TERT: variants seen among roughly 807,000 people sequenced by gnomAD.
TERT encodes telomerase reverse transcriptase, also known as telomerase catalytic subunit.
Under a neutral mutation model 104.0 loss-of-function variants are expected in TERT, and 42 were observed. The ratio of observed to expected loss-of-function variants is 0.40; its 90% CI spans 0.32 to 0.52. The LOEUF (loss-of-function observed/expected upper bound fraction) is 0.52, where lower values mean the gene tolerates loss of function less well. TERT is among the 20% of genes least tolerant of loss of function. The pLI, the probability that TERT is intolerant of heterozygous loss-of-function variation, is 0.43. For missense variants in TERT, 1,101 were observed against 1,610.3 expected, an observed-to-expected ratio of 0.68 and a Z score of 5.41; for synonymous variants, 781 against 725.6, an observed-to-expected ratio of 1.08 and a Z score of -1.23.
chr5:1,275,113 A>G (rs1009514803), intron 6 of TERT, among the ~76,000 whole-genome samples: 5 of 152,162 alleles, frequency 3.3e-5, no homozygotes, highest in African/African-American at 4.8e-5. Context: ...GGCGGTTCAC[A>G]CCTGTCATCC....
Position 1,253,773 on chromosome 5 carries a change from T to G in TERT, c.3354A>C (p.Ala1118=). The change falls in exon 16 of 16, where the codon GCA becomes GCC. Residue 1118 remains alanine, a synonymous_variant. Coordinates refer to ENST00000310581, the MANE Select transcript of TERT (RefSeq NM_198253.3). Reference sequence around the variant, plus strand: ...AGTCTGAGGGCAGTGCCGGGTTGGCTGCGGCCTCCAGGGCAGTCAGCGTCG... The same window carrying G: ...AGTCTGAGGGCAGTGCCGGGTTGGCGGCGGCCTCCAGGGCAGTCAGCGTCG... The part of the protein sequence containing the change: ...PGTTLTALEA[A]ANPALPSDFK... The G allele has an allele frequency of 1.2e-6, 2 of 1,612,284 alleles. No individual in the cohort carries two copies. Among genetic ancestry groups the G allele is most frequent in the Non-Finnish European group, 1.7e-6 (2 of 1,179,822 alleles).
Position 1,279,459 on chromosome 5 carries a change from G to T in TERT, c.1962C>A (p.Leu654=). The stretch of plus-strand genomic sequence containing the variant: ...TGAACAGTGCCTTCACCCTCGAGGT[G>T]AGACGCTCGGCCTGGCGGGGACAGC... The part of the protein sequence containing the change: ...TFRREKRAER[L]TSRVKALFSV... The change falls in exon 5 of 16, where the codon CTC becomes CTA. Residue 654 remains leucine, a synonymous_variant. Transcript: ENST00000310581. The T allele has an allele frequency of 6.5e-7, 1 of 1,549,502 alleles. No individual in the cohort carries two copies. Among genetic ancestry groups the T allele is most frequent in the Non-Finnish European group, 8.7e-7 (1 of 1,147,540 alleles).
chr5:1,285,997 C>G (rs1023832671), intron 2 of TERT, among the ~76,000 whole-genome samples: 1 of 152,068 alleles, frequency 6.6e-6, no homozygotes, highest in East Asian at 1.9e-4. Flanking sequence ...CAGGCAGCAC[C>G]GTCAGAGCTG....
intron 4 of TERT, among the ~76,000 whole-genome samples, 155 bp downstream of exon 4, chr5:1,280,003 G>A (rs1329448428): frequency 6.6e-6 from 1 of 152,226 alleles, no homozygotes; most frequent in Non-Finnish European, 1.5e-5. Context: ...CGGCACCTCG[G>A]CCACCTCACT....
chr5:1,285,668 C>T (rs1750434803), intron 2 of TERT, among the ~76,000 whole-genome samples: 1 of 146,790 alleles, frequency 6.8e-6, no homozygotes, highest in South Asian at 2.2e-4. Context: ...CTCCCAGGTT[C>T]AAGCAATTCT....
intron 5 of TERT, 148 bp from the exon 6 acceptor site, chr5:1,278,944 C>A: frequency 8.8e-7 from 1 of 1,139,610 alleles, no homozygotes. Flanking sequence ...GCTGTGTCCC[C>A]TCTCTGAGCC....
At position 1,279,420 on chromosome 5, in the gene TERT, G is replaced by A. The variant is rs758494245; in HGVS notation, c.2001C>T (p.Tyr667=). The stretch of plus-strand genomic sequence containing the variant: ...GGAGGCCGGGGCGCCGCGCCCGCTC[G>A]TAGTTGAGCACGCTGAACAGTGCCT... The part of the protein sequence containing the change: ...RVKALFSVLN[Y]ERARRPGLLG... The change falls in exon 5 of 16, where the codon TAC becomes TAT. Residue 667 remains tyrosine (Y), a synonymous_variant. Coordinates refer to ENST00000310581, the MANE Select transcript of TERT (RefSeq NM_198253.3). The A allele has an allele frequency of 3.4e-4, 526 of 1,551,618 alleles. No individual in the cohort carries two copies. The highest frequency in any genetic ancestry group is 4.5e-4 in the Non-Finnish European group (512 of 1,148,758).
rs748699440 is a variant in TERT at position 1,293,796 on chromosome 5, T to C, written c.1090A>G (p.Ile364Val). The C allele has an allele frequency of 1.3e-6, 2 of 1,551,902 alleles. No individual in the cohort carries two copies. The highest frequency in any genetic ancestry group is 2.4e-5 in the South Asian group (2 of 84,172). The change falls in exon 2 of 16, where the codon ATC becomes GTC. Residue 364 changes from isoleucine to valine, a missense_variant. Physicochemically the swap from Ile to Val is conservative, Grantham distance 29. This residue lies in a region of TERT where 504 missense variants were observed against 544.6 expected (regional missense o/e 0.93). Transcript: ENST00000310581. ...LTGARRLVETIFLGSRPWMPG... is the reference protein window; with the variant it reads ...LTGARRLVETVFLGSRPWMPG... ...ATCCAGGGCCTGGAACCCAGAAAGA[T>C]GGTCTCCACGAGCCTCCGAGCGCCA...
intron 6 of TERT, 102 bp from the exon 7 acceptor site, chr5:1,272,382 C>T: frequency 9.3e-7 from 1 of 1,073,952 alleles, no homozygotes; most frequent in Middle Eastern, 2.0e-4. Context: ...GCGGCCAAGC[C>T]CGATGGCGGG....
intron 2 of TERT, among the ~76,000 whole-genome samples, chr5:1,284,758 C>T (rs1316914482): frequency 4.1e-5 from 6 of 147,614 alleles, no homozygotes; most frequent in East Asian, 2.1e-4. Context: ...GACCTCACAC[C>T]GGACCTGCAG....
chr5:1,255,204 A>G lies in TERT; in HGVS notation c.3157+83T>C, dbSNP rs1260414190. ...ATGCGAAAAGGGGTAAGAACTTCCT[A>G]AGCCCAGATTCACTCAGTCTCCTGA... On this transcript the variant is annotated intron_variant, in intron 14 of 15. Coordinates refer to ENST00000310581, the MANE Select transcript of TERT (RefSeq NM_198253.3). The surrounding 1 kb of genome is among the most constrained non-coding windows in gnomAD (Gnocchi z 6.9). 5 of 1,558,284 alleles carry G rather than the reference A, an allele frequency of 3.2e-6. No individual in the cohort carries two copies. The highest frequency in any genetic ancestry group is 4.4e-6 in the Non-Finnish European group (5 of 1,144,514).
At chr5:1,260,725 G>T in intron 11 of TERT, 125 bp from the exon 12 acceptor site, 1 of 1,370,398 alleles carries the variant, frequency 7.3e-7, no homozygotes, top group Non-Finnish European at 1.0e-6. Context: ...GGCATGCGCT[G>T]CAGCCCGAGG....
In TERT at chr5:1,287,668, A is replaced by T. The variant is rs1394535002; in HGVS notation, c.1574-5044T>A. On this transcript the variant is annotated intron_variant, in intron 2 of 15. Transcript: ENST00000310581. The surrounding 1 kb of genome is among the most constrained non-coding windows in gnomAD (Gnocchi z 4.3). ...TCCAAAAGATTCACTCATCAGGAAGATAAAAATTCTACCACGTGCATGCAC... is the reference window on the plus strand; with the variant it reads ...TCCAAAAGATTCACTCATCAGGAAGTTAAAAATTCTACCACGTGCATGCAC... Among the ~76,000 whole-genome samples the T allele has an allele frequency of 1.3e-5, 2 of 152,150 alleles. No homozygotes were observed. The highest frequency in any genetic ancestry group is 4.8e-5 in the African/African-American group (2 of 41,432).
intron 2 of TERT, chr5:1,282,981 G>A (rs1258112885): frequency 3.9e-5 from 15 of 387,310 alleles, no homozygotes; most frequent in South Asian, 1.1e-4. Context: ...AGGGCCTGGC[G>A]ACCTCACTCC....
rs1231793479 is a variant in TERT, at chr5:1,261,129, T to C, written c.2844-529A>G. Among the ~76,000 whole-genome samples the C allele has an allele frequency of 6.6e-6, 1 of 152,208 alleles. No individual in the cohort carries two copies. Among genetic ancestry groups the C allele is most frequent in the Non-Finnish European group, 1.5e-5 (1 of 68,026 alleles). Reference sequence around the variant, plus strand: ...GGGCAGGATGGAGGCATCCCACCGATGTCCTCCAGGGCCTCACCACCACTC... The same window carrying C: ...GGGCAGGATGGAGGCATCCCACCGACGTCCTCCAGGGCCTCACCACCACTC... On this transcript the variant is annotated intron_variant, in intron 11 of 15. Transcript: ENST00000310581. This position sits in a 1 kb window ranked among gnomAD's most constrained non-coding sequence, Gnocchi z 7.4.
intron 3 of TERT, among the ~76,000 whole-genome samples, chr5:1,281,503 C>T (rs2126647395): frequency 6.6e-6 from 1 of 152,346 alleles, no homozygotes; most frequent in South Asian, 2.1e-4. Flanking sequence ...AATACCATGG[C>T]CTGGGCTCAG....
intron 11 of TERT, chr5:1,264,103 C>T (rs34057268): frequency 7.7e-5 from 35 of 456,238 alleles, no homozygotes; most frequent in African/African-American, 5.7e-4. Flanking sequence ...CAGCAGGGCC[C>T]GGGCGTCTTG....
rs969865435 is a variant in TERT at position 1,274,522 on chromosome 5, C to T, written c.2287-2242G>A. 6.6e-6 allele frequency among the ~76,000 whole-genome samples: 1 copy of T among 152,202 alleles called. No individual in the cohort carries two copies. Among genetic ancestry groups the T allele is most frequent in the East Asian group, 1.9e-4 (1 of 5,202 alleles). On this transcript the variant is annotated intron_variant, in intron 6 of 15. Transcript: ENST00000310581. This position sits in a 1 kb window ranked among gnomAD's most constrained non-coding sequence, Gnocchi z 5.3. ...GGAAGGGGATGGTTTTGGGAGCAAA[C>T]GGTTCCACCTCAGATCATCAGGCAT... is the stretch of plus-strand genomic sequence containing the variant.
In TERT at chr5:1,271,150, T is replaced by C. The variant is rs1749002393; in HGVS notation, c.2437A>G (p.Met813Val). 3 of 1,612,942 alleles carry C rather than the reference T, an allele frequency of 1.9e-6. No homozygotes were observed. Among genetic ancestry groups the C allele is most frequent in the African/African-American group, 2.7e-5 (2 of 74,922 alleles). ...SGLFDVFLRF[M>V]CHHAVRIRGK... ...CTGATGCGCACGGCGTGGTGGCACA[T>C]GAAGCGTAGGAAGACGTCGAAGAGG... Residue 813 changes from methionine to valine, a missense_variant, in exon 8 of 16, where the codon ATG (methionine) becomes GTG (valine). Met to Val is a conservative substitution (Grantham distance 21). Around this residue, in one of 5 missense-constraint regions of TERT, gnomAD observed 463 missense variants for 797.5 expected, o/e 0.58. Transcript: ENST00000310581.
Sources: allele counts gnomAD v4.1 joint callset (sites outside exome capture counted in the v4.1 genomes callset), GRCh38; gene constraint gnomAD v4.1.1; regional missense constraint gnomAD v4.1.1; non-coding constraint Gnocchi (gnomAD v3.1); transcripts MANE v1.5; gene names NCBI Gene and HGNC (gene_info 2026-07-23, HGNC 2026-07-21).